Variants in GSK3B observed in about 807,000 individuals in gnomAD.
GSK3B encodes the protein glycogen synthase kinase 3 beta.
In GSK3B, 15 loss-of-function variants were observed where a neutral mutation model predicts 56.4. The ratio of observed to expected loss-of-function variants is 0.27; its 90% CI spans 0.18 to 0.41. GSK3B has a LOEUF of 0.41. Among genes scored for constraint, GSK3B ranks in the 10% least tolerant of loss-of-function variants. GSK3B has a pLI of 1.00. For missense variants in GSK3B, 300 were observed against 513.4 expected (o/e 0.58, Z 4.02); for synonymous variants, 181 against 188.9 (o/e 0.96, Z 0.34).
chr3:120,074,710 G>T (rs1288016577), intron 1 of GSK3B, among the ~76,000 whole-genome samples: 1 of 151,594 alleles, frequency 6.6e-6, no homozygotes, highest in African/African-American at 2.4e-5. Flanking sequence ...GGTTGAATCA[G>T]AAAAAAAATA....
chr3:119,876,584 T>G (rs1431240314), intron 7 of GSK3B, 76 bp from the exon 8 acceptor site: 1 of 809,504 alleles, frequency 1.2e-6, no homozygotes, highest in Non-Finnish European at 2.1e-6. Flanking sequence ...AGGCATTGGA[T>G]TCACTGAAAA....
chr3:119,870,274 C>T (rs1365781372), intron 8 of GSK3B, among the ~76,000 whole-genome samples: 1 of 152,200 alleles, frequency 6.6e-6, no homozygotes, highest in African/African-American at 2.4e-5. Context: ...TAGTATCTCA[C>T]ATTATTCAAT....
At chr3:119,899,084 G>A (rs1400348144) in intron 7 of GSK3B, among the ~76,000 whole-genome samples, 1 of 152,022 alleles carries the variant, frequency 6.6e-6, no homozygotes, top group East Asian at 1.9e-4. Flanking sequence ...CTGGATCAGT[G>A]AGCCATAATA....
At chr3:119,923,276 G>T in intron 4 of GSK3B, 97 bp downstream of exon 4, 1 of 584,166 alleles carries the variant, frequency 1.7e-6, no homozygotes, top group Non-Finnish European at 3.0e-6. Flanking sequence ...TTCTCCCTGA[G>T]TATTAAATAC....
chr3:120,050,900 T>C (rs1258352740), intron 1 of GSK3B, among the ~76,000 whole-genome samples: 1 of 151,850 alleles, frequency 6.6e-6, no homozygotes, highest in Non-Finnish European at 1.5e-5. Flanking sequence ...ATGGCTGAGG[T>C]CAAAATATAA....
chr3:119,888,525 T>A (rs1196870471), intron 7 of GSK3B, among the ~76,000 whole-genome samples: 2 of 152,160 alleles, frequency 1.3e-5, no homozygotes, highest in African/African-American at 4.8e-5. Context: ...AAGCTGAGGA[T>A]GTACGTCACC....
intron 1 of GSK3B, among the ~76,000 whole-genome samples, chr3:120,067,966 G>A (rs1456552630): frequency 6.6e-6 from 1 of 152,166 alleles, no homozygotes; most frequent in Non-Finnish European, 1.5e-5. Flanking sequence ...TGGATCTGAT[G>A]TTACAGAATT....
intron 1 of GSK3B, among the ~76,000 whole-genome samples, chr3:120,090,464 C>T (rs1208421192): frequency 6.6e-6 from 1 of 152,156 alleles, no homozygotes; most frequent in African/African-American, 2.4e-5. Flanking sequence ...CACCTCAGCA[C>T]TTTCTCAATT....
At chr3:119,972,404 GA>G (rs1027777887) in intron 2 of GSK3B, among the ~76,000 whole-genome samples, 3 of 152,112 alleles carry the variant, frequency 2.0e-5, no homozygotes, top group African/African-American at 7.2e-5. Context: ...AAGGGGAGGG[GA>G]AAAAAGATAA....
intron 10 of GSK3B, among the ~76,000 whole-genome samples, chr3:119,830,763 A>C (rs1339233315): frequency 6.6e-6 from 1 of 152,196 alleles, no homozygotes; most frequent in Non-Finnish European, 1.5e-5. Flanking sequence ...TACTTGTACA[A>C]CTTAATAGCT....
intron 2 of GSK3B, among the ~76,000 whole-genome samples, chr3:119,971,601 ATTTTTT>A (rs751790636): frequency 1.6e-4 from 13 of 83,842 alleles, no homozygotes; most frequent in African/African-American, 2.1e-4. Context: ...ATTTGCAATA[ATTTTTT>A]TTTTTTTTTT....
chr3:120,014,328 A>G (rs1453558482), intron 1 of GSK3B, among the ~76,000 whole-genome samples: 1 of 152,082 alleles, frequency 6.6e-6, no homozygotes, highest in African/African-American at 2.4e-5. Flanking sequence ...CCCAAAATAA[A>G]CAAACTGCTA....
rs777604633 is a variant in GSK3B, at chr3:119,947,385, A to C, written c.283-34T>G. 6 of 1,240,484 alleles carry C rather than the reference A, an allele frequency of 4.8e-6. No individual in the cohort carries two copies. In the Admixed American group the frequency reaches 1.0e-4, roughly 21 times the overall value. The allele number at this position is 1,240,484 out of a possible 1,614,324, so 76.8% of individuals were successfully genotyped here. On this transcript the variant is annotated intron_variant, in intron 2 of 10. Coordinates refer to ENST00000264235, the MANE Select transcript of GSK3B (RefSeq NM_001146156.2). ...GAAACACATAAAAATATATTTTTAA[A>C]GGATAACAGCTATTCATCATATTGA...
intron 2 of GSK3B, among the ~76,000 whole-genome samples, chr3:119,954,292 TAGAATAGAATAGAAA>T (rs879924310): frequency 0.012 from 1,191 of 98,630 alleles, 23 homozygotes; most frequent in Admixed American, 0.021. Flanking sequence ...TAGAATAGAA[TAGAATAGAATAGAAA>T]AGAAACAGAA....
At chr3:119,917,655 TTTTC>T (rs2056794568) in intron 4 of GSK3B, among the ~76,000 whole-genome samples, 1 of 146,564 alleles carries the variant, frequency 6.8e-6, no homozygotes, top group South Asian at 2.2e-4. Context: ...TGAAAACGAG[TTTTC>T]TTTTTTTTTT....
At chr3:119,939,311 A>G (rs2107483334) in intron 3 of GSK3B, among the ~76,000 whole-genome samples, 1 of 152,274 alleles carries the variant, frequency 6.6e-6, no homozygotes, top group East Asian at 1.9e-4. Context: ...TGAGTCAAGT[A>G]AGGTCACGAT....
chr3:119,945,310 A>G (rs2057089268), intron 3 of GSK3B, among the ~76,000 whole-genome samples: 2 of 152,162 alleles, frequency 1.3e-5, no homozygotes, highest in South Asian at 4.1e-4. Context: ...TTTTAAAAAA[A>G]TTTTTGGAAA....
chr3:119,955,685 ACT>A (rs2057207079), intron 2 of GSK3B, among the ~76,000 whole-genome samples: 1 of 151,786 alleles, frequency 6.6e-6, no homozygotes, highest in African/African-American at 2.4e-5. Context: ...ACAGAGTCTC[ACT>A]CTGTCACCCA....
chr3:119,937,007 A>C (rs988111610), intron 3 of GSK3B, among the ~76,000 whole-genome samples: 1 of 152,076 alleles, frequency 6.6e-6, no homozygotes, highest in Admixed American at 6.5e-5. Context: ...AATGTTAATA[A>C]ATTTTAAAAG....
Sources: allele counts gnomAD v4.1 joint callset (sites outside exome capture counted in the v4.1 genomes callset), GRCh38; gene constraint gnomAD v4.1.1; transcripts MANE v1.5; gene names NCBI Gene and HGNC (gene_info 2026-07-23, HGNC 2026-07-21).